SPMAP2L: variants seen among roughly 807,000 people sequenced by gnomAD.
SPMAP2L encodes sperm microtubule associated protein 2 like.
chr4:56,565,503 G>A, the SPMAP2L span, among the ~76,000 whole-genome samples: 1 of 152,158 alleles, frequency 6.6e-6, no homozygotes, highest in Non-Finnish European at 1.5e-5. Context: ...CAAAACACAA[G>A]CACACAACAC....
chr4:56,616,551 A>G, the SPMAP2L span, among the ~76,000 whole-genome samples: 1,241 of 152,262 alleles, frequency 8.2e-3, 18 homozygotes, highest in African/African-American at 0.029. Flanking sequence ...ATGATCTTGT[A>G]TGGCTTCTTT....
At chr4:56,625,113 G>A in the SPMAP2L span, among the ~76,000 whole-genome samples, 67 of 152,298 alleles carry the variant, frequency 4.4e-4, no homozygotes, top group African/African-American at 1.5e-3. Context: ...TGTGAGACCT[G>A]GAGTCAAAGG....
At chr4:56,588,619 T>G in the SPMAP2L span, among the ~76,000 whole-genome samples, 1 of 151,986 alleles carries the variant, frequency 6.6e-6, no homozygotes, top group African/African-American at 2.4e-5. Context: ...TTAGTAGAGA[T>G]GGGGTTTCTC....
the SPMAP2L span, chr4:56,594,204 C>T: frequency 1.9e-6 from 3 of 1,611,088 alleles, no homozygotes; most frequent in Non-Finnish European, 2.5e-6. Context: ...TTCAAGAGGA[C>T]CAGCCCGTTC....
At chr4:56,561,062 CTAATG>C in the SPMAP2L span, among the ~76,000 whole-genome samples, 1 of 152,152 alleles carries the variant, frequency 6.6e-6, no homozygotes, top group African/African-American at 2.4e-5. Context: ...GCTTTTTAAT[CTAATG>C]TTGAGGTGGA....
At chr4:56,548,960 G>A in the SPMAP2L span, 1 of 444,176 alleles carries the variant, frequency 2.3e-6, no homozygotes, top group Non-Finnish European at 3.7e-6. Flanking sequence ...TTTGTCATAA[G>A]GTCCTTTTCT....
chr4:56,564,937 G>A, the SPMAP2L span, among the ~76,000 whole-genome samples: 72 of 152,234 alleles, frequency 4.7e-4, no homozygotes, highest in African/African-American at 1.5e-3. Flanking sequence ...GATATTAGAT[G>A]TATATTATTT....
the SPMAP2L span, chr4:56,595,054 G>A: frequency 7.0e-5 from 113 of 1,610,548 alleles, no homozygotes; most frequent in African/African-American, 1.0e-3. Flanking sequence ...TGTGGGAACC[G>A]TCAGTGCGGC....
chr4:56,535,892 C>T, the SPMAP2L span, among the ~76,000 whole-genome samples: 13 of 152,282 alleles, frequency 8.5e-5, no homozygotes, highest in South Asian at 2.7e-3. Context: ...GGACGGGTTT[C>T]GTGGAAGACA....
chr4:56,535,043 G>A, the SPMAP2L span, among the ~76,000 whole-genome samples: 1 of 152,088 alleles, frequency 6.6e-6, no homozygotes, highest in Admixed American at 6.5e-5. Context: ...TTCAGCAAAT[G>A]GCACCACCAT....
At chr4:56,585,328 G>T in the SPMAP2L span, among the ~76,000 whole-genome samples, 1 of 152,134 alleles carries the variant, frequency 6.6e-6, no homozygotes, top group Admixed American at 6.6e-5. Context: ...GGTTCTGTAT[G>T]TGGACATTAC....
chr4:56,566,856 C>T, the SPMAP2L span, among the ~76,000 whole-genome samples: 4 of 151,844 alleles, frequency 2.6e-5, no homozygotes, highest in Non-Finnish European at 5.9e-5. Flanking sequence ...GCAACCACGT[C>T]CAGCTAATTT....
chr4:56,618,022 G>A, the SPMAP2L span, among the ~76,000 whole-genome samples: 2 of 152,292 alleles, frequency 1.3e-5, no homozygotes, highest in African/African-American at 4.8e-5. Flanking sequence ...CCAGCCGCTT[G>A]TGTCTCTGCC....
chr4:56,532,776 C>A, the SPMAP2L span, among the ~76,000 whole-genome samples: 3 of 152,212 alleles, frequency 2.0e-5, no homozygotes, highest in Non-Finnish European at 2.9e-5. Flanking sequence ...GATTTCATAT[C>A]CACTTGGATG....
the SPMAP2L span, chr4:56,596,650 G>T: frequency 2.7e-6 from 4 of 1,497,186 alleles, no homozygotes; most frequent in Non-Finnish European, 3.5e-6. Flanking sequence ...TCGCTACCTT[G>T]GTATCCTTCA....
At chr4:56,595,601 A>C in the SPMAP2L span, 1 of 1,323,264 alleles carries the variant, frequency 7.6e-7, no homozygotes, top group Admixed American at 1.7e-5. Flanking sequence ...CAGAGAACAA[A>C]TTCTGGCCAG....
chr4:56,543,894 G>A, the SPMAP2L span, among the ~76,000 whole-genome samples: 1 of 104,058 alleles, frequency 9.6e-6, no homozygotes, highest in Non-Finnish European at 2.0e-5. Context: ...GAGAGAGAGA[G>A]AGTGTGTGTG....
At chr4:56,543,887 AGAGAGAGAGTGTGTGTGT>A in the SPMAP2L span, among the ~76,000 whole-genome samples, 2 of 129,732 alleles carry the variant, frequency 1.5e-5, no homozygotes, top group African/African-American at 6.1e-5. Flanking sequence ...AGAGAGAGAG[AGAGAGAGAGTGTGTGTGT>A]GTGTGTGTGT....
At chr4:56,533,388 C>A in the SPMAP2L span, among the ~76,000 whole-genome samples, 1 of 152,020 alleles carries the variant, frequency 6.6e-6, no homozygotes, top group Admixed American at 6.6e-5. Flanking sequence ...TTTTTCTTCA[C>A]TGAGAATAGA....
Sources: gnomAD v4.1 joint callset for allele counts (sites outside exome capture counted in the v4.1 genomes callset) on GRCh38, gnomAD v4.1.1 for gene constraint, MANE v1.5 for transcripts, NCBI Gene and HGNC (gene_info 2026-07-23, HGNC 2026-07-21) for gene names.